CSMD1: variants seen among roughly 807,000 people sequenced by gnomAD.
CSMD1 encodes the protein CUB and sushi domain-containing protein 1.
Under a neutral mutation model 417.5 loss-of-function variants are expected in CSMD1, and 213 were observed. The ratio of observed to expected loss-of-function variants is 0.51; its 90% CI spans 0.46 to 0.57. The LOEUF (loss-of-function observed/expected upper bound fraction) is 0.57, where lower values mean the gene tolerates loss of function less well. Among genes scored for constraint, CSMD1 ranks in the 20% least tolerant of loss-of-function variants. The pLI is 0.00. For missense variants in CSMD1, 6,923 were observed against 4,529.7 expected (o/e 1.53, Z -15.17); for synonymous variants, 2,862 against 1,736.8 (o/e 1.65, Z -16.11).
chr8:2,974,719 G>T (rs112367433), intron 55 of CSMD1, 95 bp from the exon 56 acceptor site: 5 of 828,346 alleles, frequency 6.0e-6, no homozygotes, highest in South Asian at 7.5e-5. Flanking sequence ...CTGACATCAT[G>T]TATTAAAGAA....
intron 3 of CSMD1, among the ~76,000 whole-genome samples, chr8:4,303,825 G>C (rs1264521342): frequency 3.3e-5 from 5 of 151,824 alleles, no homozygotes; most frequent in African/African-American, 4.8e-5. Context: ...CCGGCTAATT[G>C]TTGTAGTTTT....
At chr8:4,217,011 G>T (rs1401483) in intron 3 of CSMD1, among the ~76,000 whole-genome samples, 74,152 of 152,094 alleles carry the variant, frequency 0.49, 20,551 homozygotes, top group East Asian at 0.62. Context: ...GAATTGTCTT[G>T]TGTCTCTTAA....
chr8:3,187,129 G>A (rs1796101626), intron 36 of CSMD1, among the ~76,000 whole-genome samples: 1 of 152,212 alleles, frequency 6.6e-6, no homozygotes, highest in Non-Finnish European at 1.5e-5. Flanking sequence ...GCAACTGTGA[G>A]GACAGTGATG....
intron 3 of CSMD1, among the ~76,000 whole-genome samples, chr8:4,198,532 A>C (rs1337379584): frequency 6.6e-6 from 1 of 152,186 alleles, no homozygotes; most frequent in Non-Finnish European, 1.5e-5. Context: ...GATGAGAAAG[A>C]AAGTGTCTAG....
intron 5 of CSMD1, among the ~76,000 whole-genome samples, chr8:3,971,195 C>G (rs976822838): frequency 1.3e-5 from 2 of 152,118 alleles, no homozygotes; most frequent in Non-Finnish European, 2.9e-5. Flanking sequence ...ACCAAATGTC[C>G]TCTTCGTGTT....
At chr8:3,404,770 C>T (rs939145423) in intron 15 of CSMD1, among the ~76,000 whole-genome samples, 1 of 139,842 alleles carries the variant, frequency 7.2e-6, no homozygotes, top group Non-Finnish European at 1.6e-5. Flanking sequence ...ATTTATGACA[C>T]ATGTGCCTGC....
chr8:4,005,348 G>A (rs1460377566), intron 4 of CSMD1, among the ~76,000 whole-genome samples: 4 of 152,138 alleles, frequency 2.6e-5, no homozygotes, highest in African/African-American at 7.2e-5. Flanking sequence ...TGCAGAAAAC[G>A]TAATGCAGGG....
intron 7 of CSMD1, among the ~76,000 whole-genome samples, chr8:3,646,370 T>A (rs1265292204): frequency 2.0e-5 from 3 of 152,226 alleles, no homozygotes; most frequent in Non-Finnish European, 4.4e-5. Context: ...CCAACTTTTT[T>A]CTATGCATGC....
intron 54 of CSMD1, among the ~76,000 whole-genome samples, chr8:2,979,620 G>A (rs1302889386): frequency 2.0e-5 from 3 of 152,164 alleles, no homozygotes; most frequent in Non-Finnish European, 2.9e-5. Flanking sequence ...AATCTCGGGC[G>A]GCCTCTGCAC....
At chr8:4,947,148 C>T (rs1184841028) in intron 1 of CSMD1, among the ~76,000 whole-genome samples, 1 of 152,064 alleles carries the variant, frequency 6.6e-6, no homozygotes, top group Non-Finnish European at 1.5e-5. Flanking sequence ...ATATTTAACA[C>T]AAATTCACAA....
chr8:3,258,889 G>A (rs1334775923), intron 26 of CSMD1, among the ~76,000 whole-genome samples: 5 of 152,152 alleles, frequency 3.3e-5, no homozygotes, highest in African/African-American at 9.7e-5. Context: ...GGAGCTAAAC[G>A]ATGAGAACAC....
intron 8 of CSMD1, among the ~76,000 whole-genome samples, chr8:3,604,898 C>G (rs942588585): frequency 9.2e-5 from 14 of 152,118 alleles, no homozygotes; most frequent in African/African-American, 3.4e-4. Context: ...TGCTTTTGGG[C>G]TTGGGCTTGT....
intron 2 of CSMD1, among the ~76,000 whole-genome samples, chr8:4,631,740 T>G (rs1802529408): frequency 6.6e-6 from 1 of 152,230 alleles, no homozygotes. Context: ...TTTTCTGATT[T>G]TAATGGCCCT....
chr8:4,138,142 C>G (rs567948863), intron 3 of CSMD1, among the ~76,000 whole-genome samples: 6 of 139,132 alleles, frequency 4.3e-5, no homozygotes, highest in African/African-American at 1.6e-4. Flanking sequence ...GTCTCAATCT[C>G]CTGACCTCAT....
At chr8:3,316,988 C>G (rs1805814317) in intron 23 of CSMD1, among the ~76,000 whole-genome samples, 1 of 152,060 alleles carries the variant, frequency 6.6e-6, no homozygotes, top group African/African-American at 2.4e-5. Flanking sequence ...GGGGATGAGG[C>G]AAGAGTGTGT....
At chr8:4,845,845 G>A (rs1384892014) in intron 1 of CSMD1, among the ~76,000 whole-genome samples, 2 of 152,184 alleles carry the variant, frequency 1.3e-5, no homozygotes, top group African/African-American at 4.8e-5. Context: ...ACGATTTGTA[G>A]CTGAATTTTT....
At chr8:3,199,913 G>A (rs1457346154) in intron 32 of CSMD1, 104 bp from the exon 33 acceptor site, 2 of 656,482 alleles carry the variant, frequency 3.0e-6, no homozygotes, top group Non-Finnish European at 5.2e-6. Context: ...TTTATTTTTT[G>A]AACTTTTAAA....
At chr8:3,853,512 A>G (rs2930355) in intron 5 of CSMD1, among the ~76,000 whole-genome samples, 1 of 152,110 alleles carries the variant, frequency 6.6e-6, no homozygotes, top group Non-Finnish European at 1.5e-5. Flanking sequence ...AAGCATCAAT[A>G]TGACTGCCTT....
intron 6 of CSMD1, among the ~76,000 whole-genome samples, chr8:3,749,625 T>A (rs1044555035): frequency 6.6e-5 from 10 of 152,186 alleles, no homozygotes; most frequent in African/African-American, 2.4e-4. Context: ...CTTTGAGAAG[T>A]TACACAATTC....
Sources: allele counts gnomAD v4.1 joint callset (sites outside exome capture counted in the v4.1 genomes callset), GRCh38; gene constraint gnomAD v4.1.1; transcripts MANE v1.5; gene names NCBI Gene and HGNC (gene_info 2026-07-23, HGNC 2026-07-21).